PKN2: variants seen among roughly 807,000 people sequenced by gnomAD.
PKN2 encodes protein kinase N2.
A neutral mutation model predicts 119.1 loss-of-function variants in PKN2; 38 were observed. The ratio of observed to expected loss-of-function variants is 0.32; its 90% CI spans 0.25 to 0.42. The LOEUF is 0.42. Among genes scored for constraint, PKN2 ranks in the 10% least tolerant of loss-of-function variants. The pLI is 1.00. For missense variants in PKN2, 850 were observed against 1,165.1 expected (o/e 0.73, Z 3.94); for synonymous variants, 390 against 384.9 (o/e 1.01, Z -0.15).
At chr1:88,695,927 CG>C (rs1192447051) in intron 1 of PKN2, among the ~76,000 whole-genome samples, 2 of 151,946 alleles carry the variant, frequency 1.3e-5, no homozygotes, top group African/African-American at 4.8e-5. Flanking sequence ...CCTTGTCTAC[CG>C]TTTATTTAGC....
At chr1:88,760,431 T>C (rs1570589758) in intron 3 of PKN2, 55 bp downstream of exon 3, 4 of 1,010,862 alleles carry the variant, frequency 4.0e-6, no homozygotes. Flanking sequence ...GCAGATTCCA[T>C]AGTTATAAAT....
At chr1:88,701,715 T>C (rs1277005920) in intron 1 of PKN2, among the ~76,000 whole-genome samples, 1 of 152,236 alleles carries the variant, frequency 6.6e-6, no homozygotes, top group Non-Finnish European at 1.5e-5. Context: ...GGTTTTTGTT[T>C]TATTGTTTTC....
chr1:88,709,845 A>G (rs545989658), intron 1 of PKN2, among the ~76,000 whole-genome samples: 1 of 152,316 alleles, frequency 6.6e-6, no homozygotes, highest in South Asian at 2.1e-4. Context: ...CTCCATACAC[A>G]TAGCCTTGAC....
At chr1:88,806,150 T>C in intron 12 of PKN2, 133 bp downstream of exon 12, 2 of 777,410 alleles carry the variant, frequency 2.6e-6, no homozygotes, top group South Asian at 1.9e-5. Flanking sequence ...TTGTTTGTTT[T>C]TTGTTTTTGT....
At chr1:88,790,491 GTAAT>G (rs1329040027) in intron 8 of PKN2, among the ~76,000 whole-genome samples, 1 of 152,126 alleles carries the variant, frequency 6.6e-6, no homozygotes, top group African/African-American at 2.4e-5. Flanking sequence ...TTTGAGTTGT[GTAAT>G]TATTATTTAG....
intron 2 of PKN2, among the ~76,000 whole-genome samples, chr1:88,742,226 G>C (rs1028520145): frequency 1.3e-5 from 2 of 152,098 alleles, no homozygotes; most frequent in African/African-American, 4.8e-5. Context: ...TTAGAAGAAC[G>C]TGTGTGATTA....
intron 2 of PKN2, among the ~76,000 whole-genome samples, chr1:88,753,483 C>T (rs1370833854): frequency 6.6e-6 from 1 of 151,984 alleles, no homozygotes; most frequent in Non-Finnish European, 1.5e-5. Flanking sequence ...AGTCTATTCT[C>T]GCACTGCTGT....
intron 1 of PKN2, among the ~76,000 whole-genome samples, chr1:88,730,758 T>C: frequency 6.6e-6 from 1 of 152,244 alleles, no homozygotes; most frequent in East Asian, 1.9e-4. Flanking sequence ...GAAACTGTAC[T>C]GTTGCTATGA....
intron 8 of PKN2, among the ~76,000 whole-genome samples, chr1:88,801,062 G>A (rs74990950): frequency 0.012 from 1,897 of 152,118 alleles, 35 homozygotes; most frequent in African/African-American, 0.043. Context: ...AATTGCCGGC[G>A]TACCAGCAAT....
chr1:88,784,276 G>A (rs140548154), intron 6 of PKN2, among the ~76,000 whole-genome samples: 2 of 150,798 alleles, frequency 1.3e-5, no homozygotes, highest in East Asian at 2.0e-4. Context: ...GGCGCACACC[G>A]CCTCGCCCAG....
intron 3 of PKN2, among the ~76,000 whole-genome samples, chr1:88,768,414 C>T (rs1669750749): frequency 6.6e-6 from 1 of 152,196 alleles, no homozygotes; most frequent in Admixed American, 6.5e-5. Context: ...TGGCTCCTGA[C>T]TCTCTTCCTT....
chr1:88,813,929 G>C (rs1175714959), intron 16 of PKN2, among the ~76,000 whole-genome samples, 196 bp downstream of exon 16: 1 of 152,068 alleles, frequency 6.6e-6, no homozygotes, highest in Non-Finnish European at 1.5e-5. Flanking sequence ...AAATGTCATG[G>C]ATTGCCCAAA....
intron 6 of PKN2, among the ~76,000 whole-genome samples, chr1:88,782,071 G>C (rs1343132449): frequency 6.6e-6 from 1 of 152,024 alleles, no homozygotes; most frequent in Non-Finnish European, 1.5e-5. Flanking sequence ...ACCATCATCA[G>C]TAATCCAGTT....
At chr1:88,795,292 A>G (rs1345099419) in intron 8 of PKN2, among the ~76,000 whole-genome samples, 1 of 152,144 alleles carries the variant, frequency 6.6e-6, no homozygotes, top group African/African-American at 2.4e-5. Context: ...CTAGTCTCCT[A>G]TAGCCTTGTT....
intron 3 of PKN2, among the ~76,000 whole-genome samples, chr1:88,767,847 T>C (rs981233127): frequency 1.3e-5 from 2 of 152,230 alleles, no homozygotes; most frequent in African/African-American, 4.8e-5. Context: ...TTATTCCCCT[T>C]ATCTCCAATC....
chr1:88,749,840 A>G (rs1668916595), intron 2 of PKN2, among the ~76,000 whole-genome samples: 2 of 152,228 alleles, frequency 1.3e-5, no homozygotes, highest in South Asian at 2.1e-4. Flanking sequence ...GGCTAAGTTT[A>G]TTTCAGCTAT....
chr1:88,705,954 A>G (rs1241130389), intron 1 of PKN2, among the ~76,000 whole-genome samples: 1 of 151,762 alleles, frequency 6.6e-6, no homozygotes. Context: ...CTCCTTTTTC[A>G]AATTTGTTTT....
chr1:88,715,377 G>T (rs903634839), intron 1 of PKN2, among the ~76,000 whole-genome samples: 1 of 152,116 alleles, frequency 6.6e-6, no homozygotes, highest in Non-Finnish European at 1.5e-5. Context: ...GTAAAATTTG[G>T]CTGTGAATCC....
rs1030200814 is a variant in PKN2 at position 88,684,367 on chromosome 1, G to A, written c.-214G>A. The A allele has an allele frequency of 8.2e-6, 4 of 487,468 alleles. No individual in the cohort carries two copies. The highest frequency in any genetic ancestry group is 4.1e-5 in the African/African-American group (2 of 49,060). The allele number at this position is 487,468 out of a possible 1,614,324, so 30.2% of individuals were successfully genotyped here. A position where few individuals can be genotyped will look rare whatever the true frequency, so the allele number is the denominator to read the frequency against. On this transcript the variant is annotated 5_prime_UTR_variant, in exon 1 of 22. Transcript: ENST00000370521. ...AACAGTCCGGTGAGGGCGGCGAGAG[G>A]AAGCCCGCTACGAGTGCCCTAGCTC...
Sources: allele counts gnomAD v4.1 joint callset (sites outside exome capture counted in the v4.1 genomes callset), GRCh38; gene constraint gnomAD v4.1.1; transcripts MANE v1.5; gene names NCBI Gene and HGNC (gene_info 2026-07-23, HGNC 2026-07-21).